FHAD1: variants seen among roughly 807,000 people sequenced by gnomAD.
FHAD1 encodes the protein forkhead associated phosphopeptide binding domain 1.
A neutral mutation model predicts 191.3 loss-of-function variants in FHAD1; 146 were observed. The observed-to-expected ratio is 0.76, with a 90% confidence interval of 0.67 to 0.88. The LOEUF is 0.88. Ranked by LOEUF, FHAD1 falls within the 40% of genes least tolerant of loss-of-function variation. The probability of loss-of-function intolerance (pLI) is 0.00; values close to 1 mark genes in which losing one functional copy is unlikely to be tolerated. For synonymous variants in FHAD1, 616 were observed against 672.3 expected (o/e 0.92, Z 1.29); for missense variants, 1,635 against 1,785.8 (o/e 0.92, Z 1.52).
chr1:15,269,001 C>G (rs559600428), intron 2 of FHAD1, among the ~76,000 whole-genome samples: 3 of 152,054 alleles, frequency 2.0e-5, no homozygotes, highest in Middle Eastern at 3.4e-3. Flanking sequence ...TAAATATATC[C>G]ATGGGATCAG....
intron 28 of FHAD1, 57 bp from the exon 29 acceptor site, chr1:15,380,644 T>G (rs1310571288): frequency 1.5e-6 from 2 of 1,371,208 alleles, no homozygotes; most frequent in Non-Finnish European, 2.0e-6. Context: ...TAGCTTCCAG[T>G]CATAGAAAGT....
chr1:15,339,330 G>A (rs999975459), intron 14 of FHAD1, among the ~76,000 whole-genome samples, 151 bp from the exon 15 acceptor site: 5 of 152,114 alleles, frequency 3.3e-5, no homozygotes, highest in East Asian at 1.9e-4. Flanking sequence ...CTAAGCCACC[G>A]TGCCCGGCTG....
intron 33 of FHAD1, among the ~76,000 whole-genome samples, chr1:15,396,531 G>A (rs1412297308): frequency 5.9e-5 from 9 of 151,922 alleles, no homozygotes; most frequent in African/African-American, 1.7e-4. Context: ...AAAACCAGCC[G>A]GGTGTGGTGG....
At position 15,309,501 on chromosome 1, in the gene FHAD1, AAGCTGGAC is replaced by A. The variant is rs1175560636; in HGVS notation, c.1039+767_1039+774del. ...AGAGATCAGTGCTCCAGAGGAAATAAAGCTGGACACCGTGGTGGGGAAGCACTCAGGGG... is the reference window on the plus strand; with the variant it reads ...AGAGATCAGTGCTCCAGAGGAAATAAACCGTGGTGGGGAAGCACTCAGGGG... On this transcript the variant is annotated intron_variant, in intron 7 of 33. Coordinates refer to ENST00000688493, the MANE Select transcript of FHAD1 (RefSeq NM_001391957.1). Among the ~76,000 whole-genome samples, 3 of 152,194 alleles carry A rather than the reference AAGCTGGAC, an allele frequency of 2.0e-5. No individual in the cohort carries two copies. The East Asian group carries it at 5.8e-4, about 29-fold the overall frequency.
At chr1:15,364,442 T>G (rs1289864466) in intron 23 of FHAD1, 1 of 152,114 alleles carries the variant, frequency 6.6e-6, no homozygotes, top group Non-Finnish European at 1.5e-5. Flanking sequence ...AAACCCCGTC[T>G]CTACTAAAAA....
chr1:15,324,769 C>T, intron 11 of FHAD1: 1 of 576,552 alleles, frequency 1.7e-6, no homozygotes, highest in East Asian at 2.9e-5. Context: ...GCCTCCCACT[C>T]GAATAGTTTA....
chr1:15,277,799 C>G (rs1032227791), intron 3 of FHAD1, among the ~76,000 whole-genome samples: 1 of 152,180 alleles, frequency 6.6e-6, no homozygotes, highest in African/African-American at 2.4e-5. Context: ...AGTTCCTGGA[C>G]AAACTCAGTT....
intron 3 of FHAD1, among the ~76,000 whole-genome samples, chr1:15,281,337 T>C (rs1660522433): frequency 6.6e-6 from 1 of 152,174 alleles, no homozygotes. Flanking sequence ...TCAGAGGAAG[T>C]AGAGGCTGAA....
chr1:15,301,489 G>A (rs1207321692), intron 6 of FHAD1, 48 bp downstream of exon 6: 11 of 1,515,294 alleles, frequency 7.3e-6, no homozygotes, highest in African/African-American at 1.4e-5. Flanking sequence ...CCAAGGCCCG[G>A]GAGGCCCCAG....
Position 15,341,769 on chromosome 1 carries a change from T to G in FHAD1, c.2011T>G (p.Ser671Ala), listed in dbSNP as rs1686789833. Residue 671 changes from serine to alanine, a missense_variant, in exon 16 of 34, where the codon TCT becomes GCT. Coordinates refer to ENST00000688493, the MANE Select transcript of FHAD1 (RefSeq NM_001391957.1). Reference sequence around the variant, plus strand: ...CAACAGTTCTCAGGAAACTCAGCAGTCTTTACTGCAGGAAAAGCTGCGGGA... The same window carrying G: ...CAACAGTTCTCAGGAAACTCAGCAGGCTTTACTGCAGGAAAAGCTGCGGGA... ...KFNSSQETQQ[S>A]LLQEKLREHL... The G allele has an allele frequency of 1.3e-6, 2 of 1,551,554 alleles. No homozygotes were observed. Among genetic ancestry groups the G allele is most frequent in the Non-Finnish European group, 8.7e-7 (1 of 1,146,800 alleles).
In FHAD1 at chr1:15,328,043, A is replaced by G. The variant is rs532751664; in HGVS notation, c.1558-234A>G. On this transcript the variant is annotated intron_variant, in intron 12 of 33. Coordinates refer to ENST00000688493, the MANE Select transcript of FHAD1 (RefSeq NM_001391957.1). The stretch of plus-strand genomic sequence containing the variant: ...AGTGAAACTCCGTCGCAAAAAAAAA[A>G]AAAAGAAAAGAAAAAAGAAAAGAGA... 2.1e-4 allele frequency: 56 copies of G among 263,232 alleles called. 1 individual carries two copies. Among genetic ancestry groups the G allele is most frequent in the Admixed American group, 3.3e-4 (6 of 17,994 alleles). The allele number at this position is 263,232 out of a possible 1,614,324, so 16.3% of individuals were successfully genotyped here.
At chr1:15,279,970 T>C (rs968072481) in intron 3 of FHAD1, among the ~76,000 whole-genome samples, 1 of 152,112 alleles carries the variant, frequency 6.6e-6, no homozygotes, top group Non-Finnish European at 1.5e-5. Flanking sequence ...GCTAGGAGCT[T>C]GGGGTAAGAA....
intron 23 of FHAD1, among the ~76,000 whole-genome samples, chr1:15,365,360 A>T (rs1696076939): frequency 6.7e-6 from 1 of 149,678 alleles, no homozygotes; most frequent in Middle Eastern, 3.4e-3. Flanking sequence ...TTTCTTAGAG[A>T]TGGGTTCTTG....
At position 15,361,710 on chromosome 1, in the gene FHAD1, C is replaced by CT. The variant is rs144563740; in HGVS notation, c.2963-931dup. The stretch of plus-strand genomic sequence containing the variant: ...AGAGTCCAGGTCAGAGGGAGGGTGT[C>CT]TGAGATTGAGCTGGGGGCCAGGTCA... On this transcript the variant is annotated intron_variant, in intron 22 of 33. Transcript: ENST00000688493. Among the ~76,000 whole-genome samples the CT allele has an allele frequency of 8.8e-3, 1,313 of 150,046 alleles. 12 individuals are homozygous for CT. Among genetic ancestry groups the CT allele is most frequent in the African/African-American group, 0.03 (1,235 of 40,864 alleles).
intron 10 of FHAD1, among the ~76,000 whole-genome samples, chr1:15,321,140 G>A (rs943653001): frequency 6.6e-6 from 1 of 152,134 alleles, no homozygotes; most frequent in African/African-American, 2.4e-5. Context: ...CACCATGTTG[G>A]CCAGGATGGT....
At position 15,271,138 on chromosome 1, in the gene FHAD1, CGG is replaced by C. The variant is rs1269725580; in HGVS notation, c.94-1184_94-1183del. Among the ~76,000 whole-genome samples the C allele has an allele frequency of 5.0e-4, 34 of 67,498 alleles. 2 individuals are homozygous for C. The highest frequency in any genetic ancestry group is 5.7e-4 in the Non-Finnish European group (22 of 38,310). 44.3% of individuals were successfully genotyped at this position (67,498 alleles called of 152,430 possible). On this transcript the variant is annotated intron_variant, in intron 2 of 33. Transcript: ENST00000688493. ...TGGGCAACAGAGCGAGACTCCATCT[CGG>C]AAAAAAAAAAAAAAAAAAAAAAATT...
At chr1:15,335,935 T>C (rs1274794922) in intron 14 of FHAD1, among the ~76,000 whole-genome samples, 1 of 152,176 alleles carries the variant, frequency 6.6e-6, no homozygotes. Flanking sequence ...GGGTCACACG[T>C]TGCAGCCGAG....
intron 26 of FHAD1, among the ~76,000 whole-genome samples, chr1:15,370,509 G>A (rs1558254518): frequency 1.3e-5 from 2 of 152,146 alleles, no homozygotes; most frequent in Admixed American, 6.5e-5. Flanking sequence ...CAATGCTGTC[G>A]TTAATGTACT....
chr1:15,284,674 T>A lies in FHAD1; in HGVS notation c.301-4725T>A, dbSNP rs1250585765. Reference sequence around the variant, plus strand: ...AAGCCTTGACAGGGTCAGAAGCAGATGTTAGCGTAATAACACAAGAAACAA... The same window carrying A: ...AAGCCTTGACAGGGTCAGAAGCAGAAGTTAGCGTAATAACACAAGAAACAA... On this transcript the variant is annotated intron_variant, in intron 3 of 33. Coordinates refer to ENST00000688493, the MANE Select transcript of FHAD1 (RefSeq NM_001391957.1). Among the ~76,000 whole-genome samples, 5 of 152,122 alleles carry A rather than the reference T, an allele frequency of 3.3e-5. No individual in the cohort carries two copies. In the South Asian group the frequency reaches 8.3e-4, roughly 25 times the overall value.
Sources: gnomAD v4.1 joint callset for allele counts (sites outside exome capture counted in the v4.1 genomes callset) on GRCh38, gnomAD v4.1.1 for gene constraint, MANE v1.5 for transcripts, NCBI Gene and HGNC (gene_info 2026-07-23, HGNC 2026-07-21) for gene names.